SH2D4B: variants seen among roughly 807,000 people sequenced by gnomAD.
SH2D4B encodes the protein SH2 domain-containing protein 4B.
In SH2D4B, 45 loss-of-function variants were observed where a neutral mutation model predicts 61.5. That is an observed-to-expected ratio of 0.73 (90% CI 0.58 to 0.94). The LOEUF (loss-of-function observed/expected upper bound fraction) is 0.94. Among genes scored for constraint, SH2D4B ranks in the 40% least tolerant of loss-of-function variants. The pLI, the probability that SH2D4B is intolerant of heterozygous loss-of-function variation, is 0.00. For synonymous variants in SH2D4B, 224 were observed against 220.4 expected, an observed-to-expected ratio of 1.02 and a Z score of -0.14; for missense variants, 572 against 574.2, an observed-to-expected ratio of 1.00 and a Z score of 0.04.
At chr10:80,545,056 G>A (rs1324708063) in intron 1 of SH2D4B, among the ~76,000 whole-genome samples, 1 of 152,088 alleles carries the variant, frequency 6.6e-6, no homozygotes, top group African/African-American at 2.4e-5. Context: ...CTAGCACTTA[G>A]CATGTCTGCA....
At chr10:80,612,174 C>T (rs76120037) in intron 6 of SH2D4B, among the ~76,000 whole-genome samples, 4,849 of 135,074 alleles carry the variant, frequency 0.036, 253 homozygotes, top group African/African-American at 0.13. Flanking sequence ...GGACCTCCCC[C>T]ACTCCTGCTT....
chr10:80,545,719 G>A (rs1338145008), intron 1 of SH2D4B, among the ~76,000 whole-genome samples: 4 of 152,102 alleles, frequency 2.6e-5, no homozygotes, highest in East Asian at 1.9e-4. Flanking sequence ...GGTGAGTAGC[G>A]GCTAAGGTGC....
chr10:80,639,307 TG>T (rs1452873050), intron 7 of SH2D4B, among the ~76,000 whole-genome samples: 1 of 152,222 alleles, frequency 6.6e-6, no homozygotes, highest in Non-Finnish European at 1.5e-5. Flanking sequence ...TAGGCCTGCT[TG>T]GTGCAGAGCT....
chr10:80,609,345 C>T lies in SH2D4B; in HGVS notation c.861-79C>T, dbSNP rs1296758315. ...TTTACCTTCCTCTCCCTTCCTCTTT[C>T]CTTCCCCTCTGCCTTCCTCTCCCTC... On this transcript the variant is annotated intron_variant, in intron 5 of 7. Transcript: ENST00000646907. 3 of 1,271,822 alleles carry T rather than the reference C, an allele frequency of 2.4e-6. No homozygotes were observed. In the African/African-American group the frequency reaches 4.6e-5, roughly 19 times the overall value. 78.8% of individuals were successfully genotyped at this position (1,271,822 alleles called of 1,614,324 possible).
intron 7 of SH2D4B, among the ~76,000 whole-genome samples, chr10:80,639,131 T>G (rs1307988418): frequency 6.6e-6 from 1 of 152,240 alleles, no homozygotes; most frequent in African/African-American, 2.4e-5. Flanking sequence ...TCTAATTTGA[T>G]TGCACTGTGG....
At chr10:80,640,018 A>G (rs1840261318) in intron 7 of SH2D4B, among the ~76,000 whole-genome samples, 1 of 152,150 alleles carries the variant, frequency 6.6e-6, no homozygotes, top group South Asian at 2.1e-4. Flanking sequence ...GCTTGTGTGT[A>G]AAGTATTTTA....
Position 80,588,605 on chromosome 10 carries a change from T to G in SH2D4B, c.496-25T>G, listed in dbSNP as rs977540720. The G allele has an allele frequency of 6.2e-6, 10 of 1,611,854 alleles. No individual in the cohort carries two copies. In the African/African-American group the frequency reaches 6.7e-5, roughly 11 times the overall value. On this transcript the variant is annotated intron_variant, in intron 3 of 7. Transcript: ENST00000646907. ...TCTGAAGTGTTGTGGTCATCTCGTG[T>G]TGTTCTGTTCCCATGACATTTTAGA...
At chr10:80,609,043 C>G (rs1842557700) in intron 5 of SH2D4B, among the ~76,000 whole-genome samples, 1 of 152,160 alleles carries the variant, frequency 6.6e-6, no homozygotes, top group African/African-American at 2.4e-5. Context: ...TATGCCCTGG[C>G]CGTGCTCGAG....
At chr10:80,550,120 C>T (rs1029239685) in intron 1 of SH2D4B, among the ~76,000 whole-genome samples, 3 of 151,908 alleles carry the variant, frequency 2.0e-5, no homozygotes, top group Non-Finnish European at 4.4e-5. Flanking sequence ...GAGGATGGGT[C>T]GGATGGCAGA....
At chr10:80,636,184 A>T (rs1840162173) in intron 7 of SH2D4B, among the ~76,000 whole-genome samples, 1 of 152,092 alleles carries the variant, frequency 6.6e-6, no homozygotes, top group African/African-American at 2.4e-5. Context: ...CATTTTCTTA[A>T]TCTAGTCTAT....
At chr10:80,597,464 G>C (rs1398864282) in intron 4 of SH2D4B, among the ~76,000 whole-genome samples, 1 of 152,102 alleles carries the variant, frequency 6.6e-6, no homozygotes, top group Non-Finnish European at 1.5e-5. Context: ...TCAGGAGTTT[G>C]AGACCAGCCT....
intron 6 of SH2D4B, among the ~76,000 whole-genome samples, chr10:80,631,175 A>G (rs1021222115): frequency 2.0e-5 from 3 of 152,232 alleles, no homozygotes; most frequent in Admixed American, 2.0e-4. Flanking sequence ...TGTCGAAGAG[A>G]TATCTATACT....
intron 1 of SH2D4B, among the ~76,000 whole-genome samples, chr10:80,545,117 T>A (rs904858392): frequency 6.6e-6 from 1 of 152,226 alleles, no homozygotes; most frequent in African/African-American, 2.4e-5. Context: ...AAATTTACCA[T>A]TTTAGCCATT....
intron 3 of SH2D4B, among the ~76,000 whole-genome samples, chr10:80,586,679 T>G (rs778959308): frequency 6.6e-6 from 1 of 152,154 alleles, no homozygotes. Context: ...TGGGGCCAGA[T>G]AAGAGAATAA....
chr10:80,594,103 C>A (rs1842361430), intron 4 of SH2D4B, among the ~76,000 whole-genome samples: 1 of 152,120 alleles, frequency 6.6e-6, no homozygotes, highest in Admixed American at 6.6e-5. Context: ...TGTTAGCCAC[C>A]ATTTAATATG....
intron 5 of SH2D4B, among the ~76,000 whole-genome samples, chr10:80,605,626 C>G (rs927787051): frequency 5.3e-5 from 8 of 152,178 alleles, no homozygotes; most frequent in Admixed American, 4.6e-4. Flanking sequence ...TCAAGTGATT[C>G]TCCTGCCTCA....
intron 1 of SH2D4B, 125 bp from the exon 2 acceptor site, chr10:80,570,029 C>T: frequency 1.7e-6 from 2 of 1,198,530 alleles, no homozygotes; most frequent in Non-Finnish European, 2.4e-6. Context: ...GTCTCTCTGG[C>T]ATTCTTTTTG....
intron 6 of SH2D4B, among the ~76,000 whole-genome samples, chr10:80,624,426 C>T (rs956672273): frequency 2.0e-5 from 3 of 152,168 alleles, no homozygotes; most frequent in African/African-American, 7.2e-5. Context: ...CTTCATAGGA[C>T]CTATCCTATA....
At position 80,574,921 on chromosome 10, in the gene SH2D4B, G is replaced by A. The variant is rs552864918; in HGVS notation, c.495+3343G>A. On this transcript the variant is annotated intron_variant, in intron 3 of 7. Coordinates refer to ENST00000646907, the MANE Select transcript of SH2D4B (RefSeq NM_001388272.1). The stretch of plus-strand genomic sequence containing the variant: ...TCACCATGTTGGTCAGGCTGGTCTC[G>A]AACTCCTGACCTCAAGTGATCCACC... 1.4e-4 allele frequency among the ~76,000 whole-genome samples: 21 copies of A among 151,864 alleles called. No individual in the cohort carries two copies. In the East Asian group the frequency reaches 3.3e-3, roughly 24 times the overall value.
Sources: gnomAD v4.1 joint callset for allele counts (sites outside exome capture counted in the v4.1 genomes callset) on GRCh38, gnomAD v4.1.1 for gene constraint, MANE v1.5 for transcripts, NCBI Gene and HGNC (gene_info 2026-07-23, HGNC 2026-07-21) for gene names.